Variants in OR2A12 observed in about 807,000 individuals in gnomAD.
The protein encoded by OR2A12 is olfactory receptor 2A12.
For synonymous variants in OR2A12, 153 were observed against 149.3 expected (o/e 1.02, Z -0.18); for missense variants, 380 against 372.5 (o/e 1.02, Z -0.17).
chr7:144,097,434 A>C lies in OR2A12; in HGVS notation c.*1394A>C, dbSNP rs2051274472. The C allele has an allele frequency of 1.3e-5, 2 of 152,148 alleles. No individual in the cohort carries two copies. Among genetic ancestry groups the C allele is most frequent in the Admixed American group, 6.6e-5 (1 of 15,258 alleles). 9.4% of individuals were successfully genotyped at this position (152,148 alleles called of 1,614,324 possible). ...ATATTACAAAGATTCAATCTCCTTAAATTGATTATTAGATTTAATACAATC... is the reference window on the plus strand; with the variant it reads ...ATATTACAAAGATTCAATCTCCTTACATTGATTATTAGATTTAATACAATC... On this transcript the variant is annotated 3_prime_UTR_variant, in exon 2 of 2. Coordinates refer to ENST00000641592, the MANE Select transcript of OR2A12 (RefSeq NM_001004135.2).
intron 1 of OR2A12, 147 bp downstream of exon 1, chr7:144,086,690 T>C (rs976937923): frequency 5.3e-5 from 8 of 152,240 alleles, no homozygotes; most frequent in Admixed American, 2.6e-4. Context: ...CTGCTTCAGG[T>C]GCAGGCAATT....
Position 144,096,060 on chromosome 7 carries a change from T to C in OR2A12, c.*20T>C. On this transcript the variant is annotated 3_prime_UTR_variant, in exon 2 of 2. Transcript: ENST00000641592. The stretch of plus-strand genomic sequence containing the variant: ...ATGTGAAGAATCATTTGAGATATCC[T>C]GAGTGTGTAAGCATGGTTCTCATGA... 6.5e-7 allele frequency: 1 copy of C among 1,537,050 alleles called. No homozygotes were observed. Among genetic ancestry groups the C allele is most frequent in the Admixed American group, 1.9e-5 (1 of 51,764 alleles).
chr7:144,093,201 A>G (rs934621343), intron 1 of OR2A12, among the ~76,000 whole-genome samples: 1 of 152,210 alleles, frequency 6.6e-6, no homozygotes, highest in African/African-American at 2.4e-5. Flanking sequence ...ATTTAAAGAC[A>G]AATTGTTTTC....
chr7:144,096,115 C>G lies in OR2A12; in HGVS notation c.*75C>G. On this transcript the variant is annotated 3_prime_UTR_variant, in exon 2 of 2. Coordinates refer to ENST00000641592, the MANE Select transcript of OR2A12 (RefSeq NM_001004135.2). ...GGGTCCTGAAATTTCCTTTTTAATT[C>G]TTTAATTTACCACACCCAATACTGT... The G allele has an allele frequency of 9.5e-7, 1 of 1,056,478 alleles. No homozygotes were observed. The highest frequency in any genetic ancestry group is 2.4e-5 in the East Asian group (1 of 42,106). 65.4% of individuals were successfully genotyped at this position (1,056,478 alleles called of 1,614,324 possible).
At chr7:144,090,394 T>C (rs916627493) in intron 1 of OR2A12, among the ~76,000 whole-genome samples, 2 of 151,646 alleles carry the variant, frequency 1.3e-5, no homozygotes, top group African/African-American at 4.8e-5. Flanking sequence ...TATATATTTA[T>C]ATGTATACAT....
At chr7:144,093,783 C>T (rs1163673029) in intron 1 of OR2A12, among the ~76,000 whole-genome samples, 1 of 151,762 alleles carries the variant, frequency 6.6e-6, no homozygotes, top group East Asian at 1.9e-4. Context: ...CAGCTTCATC[C>T]ATGTCCCTAC....
chr7:144,095,779 C>G lies in OR2A12; in HGVS notation c.672C>G (p.Ile224Met). 6.2e-7 allele frequency: 1 copy of G among 1,614,128 alleles called. No homozygotes were observed. The highest frequency in any genetic ancestry group is 8.5e-7 in the Non-Finnish European group (1 of 1,180,028). ...CCTACTTGCACATCCTGGTGGCCAT[C>G]TTGAGGATCCAGTCTGGGGAGGGCC... ...LVSYLHILVAILRIQSGEGRR... is the reference protein window; with the variant it reads ...LVSYLHILVAMLRIQSGEGRR... Residue 224 changes from isoleucine (I) to methionine (M), a missense_variant, in exon 2 of 2, where the codon ATC (isoleucine) becomes ATG (methionine). By Grantham distance (10) the Ile-to-Met change is conservative. Coordinates refer to ENST00000641592, the MANE Select transcript of OR2A12 (RefSeq NM_001004135.2).
In OR2A12 at chr7:144,095,581, T is replaced by C; in HGVS notation, c.474T>C (p.His158=). 3 of 1,614,092 alleles carry C rather than the reference T, an allele frequency of 1.9e-6. No individual in the cohort carries two copies. Among genetic ancestry groups the C allele is most frequent in the Non-Finnish European group, 2.5e-6 (3 of 1,179,990 alleles). Reference sequence around the variant, plus strand: ...TTAGCTTTCTCTTGGCTCTGGTCCATATTACTCTTATTCTGAGGCTGCCTT... The same window carrying C: ...TTAGCTTTCTCTTGGCTCTGGTCCACATTACTCTTATTCTGAGGCTGCCTT... ...WIFSFLLALV[H]ITLILRLPFC... is the part of the protein sequence containing the mutation. Residue 158 remains histidine, a synonymous_variant, in exon 2 of 2, where the codon CAT becomes CAC. Transcript: ENST00000641592.
In OR2A12 at chr7:144,095,090, T is replaced by C; in HGVS notation, c.-18T>C. 1 of 1,555,306 alleles carries C rather than the reference T, an allele frequency of 6.4e-7. No individual in the cohort carries two copies. Among genetic ancestry groups the C allele is most frequent in the African/African-American group, 1.4e-5 (1 of 73,028 alleles). ...TTTCTGTCTTAAGTACATCACAAGA[T>C]TTTTCTGTCACGAGAACATGGAAAG... On this transcript the variant is annotated 5_prime_UTR_variant, in exon 2 of 2. Transcript: ENST00000641592.
chr7:144,086,965 C>T lies in OR2A12; in HGVS notation c.-52+422C>T, dbSNP rs182616616. Among the ~76,000 whole-genome samples the T allele has an allele frequency of 3.7e-4, 56 of 152,224 alleles. 1 individual carries two copies. Among genetic ancestry groups the T allele is most frequent in the Admixed American group, 2.2e-3 (34 of 15,296 alleles). ...ACATCTGATACTTACAGTGTCAAAA[C>T]GTTACATAGGTTTCAGACTTGCCTT... On this transcript the variant is annotated intron_variant, in intron 1 of 1. Transcript: ENST00000641592.
intron 1 of OR2A12, among the ~76,000 whole-genome samples, chr7:144,090,024 T>C (rs1438670173): frequency 6.6e-6 from 1 of 152,174 alleles, no homozygotes; most frequent in Non-Finnish European, 1.5e-5. Flanking sequence ...TCCAATAATA[T>C]CTTACTTTGC....
Position 144,095,313 on chromosome 7 carries a change from A to G in OR2A12, c.206A>G (p.Asp69Gly). The change falls in exon 2 of 2, where the codon GAC (aspartate) becomes GGC (glycine). Residue 69 changes from aspartate to glycine, a missense_variant. Asp to Gly is a moderately conservative substitution (Grantham distance 94, BLOSUM62 -1). Transcript: ENST00000641592. ...YVFLSHLAIV[D>G]MSYASSTVPK... ...TTCCTGTCACACCTGGCCATTGTGG[A>G]CATGTCCTATGCCTCGAGTACTGTC... 6.2e-7 allele frequency: 1 copy of G among 1,614,026 alleles called. No homozygotes were observed. Among genetic ancestry groups the G allele is most frequent in the Non-Finnish European group, 8.5e-7 (1 of 1,179,914 alleles).
chr7:144,089,604 C>T (rs551632764), intron 1 of OR2A12, among the ~76,000 whole-genome samples: 1 of 151,706 alleles, frequency 6.6e-6, no homozygotes, highest in Non-Finnish European at 1.5e-5. Context: ...GGATTGATAA[C>T]GTTTTCAAAT....
chr7:144,091,148 T>C (rs886999795), intron 1 of OR2A12, among the ~76,000 whole-genome samples: 19 of 152,306 alleles, frequency 1.2e-4, no homozygotes, highest in African/African-American at 4.3e-4. Flanking sequence ...CCCAGCATTT[T>C]GGGAGGCCAA....
rs997566804 is a variant in OR2A12, at chr7:144,095,249, A to G, written c.142A>G (p.Ile48Val). The G allele has an allele frequency of 9.9e-6, 16 of 1,613,928 alleles. No individual in the cohort carries two copies. The Admixed American group carries it at 1.5e-4, about 15-fold the overall frequency. The change falls in exon 2 of 2, where the codon ATC becomes GTC. Residue 48 changes from isoleucine to valine, a missense_variant. By Grantham distance (29) the Ile-to-Val change is conservative. Coordinates refer to ENST00000641592, the MANE Select transcript of OR2A12 (RefSeq NM_001004135.2). ...GGGAAATGGGATTATCCTGGGGCTC[A>G]TCTACTTGGACTCTAGACTGCACAC... ...LMGNGIILGL[I>V]YLDSRLHTPM...
At position 144,095,534 on chromosome 7, in the gene OR2A12, C is replaced by G; in HGVS notation, c.427C>G (p.Leu143Val). Residue 143 changes from leucine to valine, a missense_variant, in exon 2 of 2, where the codon CTG (leucine) becomes GTG (valine). Transcript: ENST00000641592. ...LIMNWRVCTV[L>V]ASTCWIFSFL... ...TATGAACTGGAGAGTGTGCACTGTCCTGGCCTCAACTTGCTGGATATTTAG... is the reference window on the plus strand; with the variant it reads ...TATGAACTGGAGAGTGTGCACTGTCGTGGCCTCAACTTGCTGGATATTTAG... 6.2e-7 allele frequency: 1 copy of G among 1,614,088 alleles called. No individual in the cohort carries two copies. The highest frequency in any genetic ancestry group is 1.1e-5 in the South Asian group (1 of 91,076).
chr7:144,088,263 C>T (rs1051570747), intron 1 of OR2A12, among the ~76,000 whole-genome samples: 18 of 152,188 alleles, frequency 1.2e-4, no homozygotes, highest in African/African-American at 7.2e-5. Flanking sequence ...CCACCCACCT[C>T]GGCCTCCCAA....
At chr7:144,092,040 G>C (rs1237044214) in intron 1 of OR2A12, among the ~76,000 whole-genome samples, 1 of 152,112 alleles carries the variant, frequency 6.6e-6, no homozygotes, top group Non-Finnish European at 1.5e-5. Context: ...ATGGTGTAAG[G>C]AAGGGGTCCA....
At chr7:144,086,717 G>A (rs932528559) in intron 1 of OR2A12, among the ~76,000 whole-genome samples, 174 bp downstream of exon 1, 2 of 152,126 alleles carry the variant, frequency 1.3e-5, no homozygotes, top group South Asian at 2.1e-4. Flanking sequence ...CAACCTTTCC[G>A]CATCTCTGTG....
Sources: allele counts gnomAD v4.1 joint callset (sites outside exome capture counted in the v4.1 genomes callset), GRCh38; gene constraint gnomAD v4.1.1; transcripts MANE v1.5; gene names NCBI Gene and HGNC (gene_info 2026-07-23, HGNC 2026-07-21).